ABI3BP: variants seen among roughly 807,000 people sequenced by gnomAD.
ABI3BP encodes the protein ABI family member 3 binding protein, also known as target of Nesh-SH3.
In ABI3BP, 216 loss-of-function variants were observed where a neutral mutation model predicts 268.6. The observed-to-expected ratio is 0.80, with a 90% CI of 0.72 to 0.90. ABI3BP has a LOEUF of 0.90. ABI3BP is among the 40% of genes least tolerant of loss of function. The pLI is 0.00. For synonymous variants in ABI3BP, 730 were observed against 730.0 expected (o/e 1.00, Z 0.00); for missense variants, 2,090 against 2,182.4 (o/e 0.96, Z 0.84).
intron 40 of ABI3BP, among the ~76,000 whole-genome samples, chr3:100,819,903 G>C (rs908648894): frequency 1.4e-5 from 2 of 145,328 alleles, no homozygotes; most frequent in Non-Finnish European, 3.0e-5. Flanking sequence ...AGCTGAGATC[G>C]TGCCACTGCA....
chr3:100,773,440 A>G (rs2096609854), intron 61 of ABI3BP, among the ~76,000 whole-genome samples: 2 of 152,236 alleles, frequency 1.3e-5, no homozygotes, highest in South Asian at 4.1e-4. Flanking sequence ...GGCTAAAATA[A>G]AAAAGACTGA....
intron 64 of ABI3BP, 102 bp downstream of exon 64, chr3:100,754,509 GA>G: frequency 8.8e-7 from 1 of 1,137,376 alleles, no homozygotes; most frequent in Non-Finnish European, 1.3e-6. Context: ...AGAAATTCAA[GA>G]AACAGTACAT....
chr3:100,864,637 G>A (rs2153190552), intron 11 of ABI3BP, 196 bp downstream of exon 11: 2 of 538,532 alleles, frequency 3.7e-6, no homozygotes, highest in East Asian at 6.2e-5. Context: ...CAGTCACCAG[G>A]ATCAGCCATG....
chr3:100,875,638 A>T (rs2099154572), intron 7 of ABI3BP, 59 bp from the exon 8 acceptor site: 1 of 1,226,348 alleles, frequency 8.2e-7, no homozygotes, highest in African/African-American at 1.5e-5. Flanking sequence ...GTAAGAAGCT[A>T]ATAATGTGAA....
chr3:100,939,141 C>T (rs2067670640), intron 1 of ABI3BP, among the ~76,000 whole-genome samples: 1 of 152,062 alleles, frequency 6.6e-6, no homozygotes, highest in Admixed American at 6.6e-5. Flanking sequence ...CCATCACTGT[C>T]TTCCCAACTC....
intron 59 of ABI3BP, among the ~76,000 whole-genome samples, chr3:100,777,645 G>A (rs13087616): frequency 0.15 from 22,081 of 152,170 alleles, 1,718 homozygotes; most frequent in Non-Finnish European, 0.16. Context: ...GGAGTCAGGG[G>A]AGGTTTTTAA....
intron 1 of ABI3BP, among the ~76,000 whole-genome samples, chr3:100,974,556 G>A (rs1041569392): frequency 1.3e-5 from 2 of 152,170 alleles, no homozygotes; most frequent in Non-Finnish European, 2.9e-5. Context: ...AAACTATAGG[G>A]AGAGAAATCA....
At chr3:100,798,648 C>G (rs1275315608) in intron 51 of ABI3BP, among the ~76,000 whole-genome samples, 2 of 151,946 alleles carry the variant, frequency 1.3e-5, no homozygotes, top group East Asian at 1.9e-4. Flanking sequence ...TGTGCCACTC[C>G]AAAGAAAAGC....
intron 31 of ABI3BP, among the ~76,000 whole-genome samples, chr3:100,831,382 A>C (rs1358638933): frequency 2.0e-5 from 3 of 151,820 alleles, no homozygotes; most frequent in African/African-American, 7.3e-5. Flanking sequence ...TGTGCACCAC[A>C]CATATTAACA....
At chr3:100,852,013 C>T in intron 14 of ABI3BP, 73 bp from the exon 15 acceptor site, 1 of 1,322,726 alleles carries the variant, frequency 7.6e-7, no homozygotes, top group Admixed American at 2.3e-5. Flanking sequence ...AGAAAGATTA[C>T]ATGACATGTT....
chr3:100,938,015 G>A (rs918686482), intron 1 of ABI3BP, among the ~76,000 whole-genome samples: 5 of 151,958 alleles, frequency 3.3e-5, no homozygotes. Context: ...TGGAGCTGGA[G>A]GCCATTATCC....
In ABI3BP at chr3:100,810,471, G is replaced by A. The variant is rs2097835309; in HGVS notation, c.3548C>T (p.Ser1183Leu). Residue 1183 changes from serine to leucine, a missense_variant, in exon 49 of 68, where the codon TCG becomes TTG. Coordinates refer to ENST00000471714, the MANE Select transcript of ABI3BP (RefSeq NM_001375547.2). ...GGTTATAGATTGAGAAGGCAGAGGCGACGTTTCTATGGTAATTGAAGGAAA... is the reference window on the plus strand; with the variant it reads ...GGTTATAGATTGAGAAGGCAGAGGCAACGTTTCTATGGTAATTGAAGGAAA... ...SEPPETTLET[S>L]PLPSQSITLP... The A allele has an allele frequency of 3.3e-6, 5 of 1,534,720 alleles. No homozygotes were observed. The highest frequency in any genetic ancestry group is 4.4e-6 in the Non-Finnish European group (5 of 1,145,914).
chr3:100,894,938 C>CAAAA lies in ABI3BP; in HGVS notation c.461+3820_461+3823dup, dbSNP rs58342344. Among the ~76,000 whole-genome samples, 72 of 37,708 alleles carry CAAAA rather than the reference C, an allele frequency of 1.9e-3. 9 individuals carry two copies. The highest frequency in any genetic ancestry group is 9.4e-3 in the East Asian group (6 of 636). The allele number at this position is 37,708 out of a possible 152,430, so 24.7% of individuals were successfully genotyped here. A position where few individuals can be genotyped will look rare whatever the true frequency, so the allele number is the denominator to read the frequency against. ...TGGGCGACAGAGCGGGATTCCGCTT[C>CAAAA]AAAAAAAAAAAAAAAAAAAAAAAAA... On this transcript the variant is annotated intron_variant, in intron 4 of 67. Coordinates refer to ENST00000471714, the MANE Select transcript of ABI3BP (RefSeq NM_001375547.2).
At chr3:100,854,076 C>T (rs916575381) in intron 14 of ABI3BP, among the ~76,000 whole-genome samples, 10 of 151,060 alleles carry the variant, frequency 6.6e-5, no homozygotes, top group South Asian at 2.1e-4. Flanking sequence ...ATTGCCTGGG[C>T]GTGGTGGCTC....
intron 62 of ABI3BP, among the ~76,000 whole-genome samples, chr3:100,768,309 T>C (rs372909349): frequency 5.1e-4 from 78 of 152,180 alleles, no homozygotes; most frequent in African/African-American, 8.9e-4. Context: ...AGGATGATCT[T>C]GATCTCCTGA....
chr3:100,970,413 A>G (rs941857874), intron 1 of ABI3BP, among the ~76,000 whole-genome samples: 1 of 152,222 alleles, frequency 6.6e-6, no homozygotes, highest in Non-Finnish European at 1.5e-5. Context: ...AAAATATGAC[A>G]AAGTACATGA....
intron 46 of ABI3BP, among the ~76,000 whole-genome samples, chr3:100,812,002 G>A (rs1281022528): frequency 6.6e-6 from 1 of 152,156 alleles, no homozygotes; most frequent in East Asian, 1.9e-4. Context: ...AGTGTGCTAT[G>A]TGGGAAACAT....
intron 9 of ABI3BP, among the ~76,000 whole-genome samples, chr3:100,872,220 TTATTTGCATTTTAC>T (rs1193173164): frequency 1.3e-5 from 2 of 152,216 alleles, no homozygotes; most frequent in East Asian, 1.9e-4. Flanking sequence ...ATAGTTTTAA[TTATTTGCATTTTAC>T]TATTTGCATT....
chr3:100,885,572 C>A lies in ABI3BP; in HGVS notation c.660G>T (p.Gly220=). 1 of 1,557,892 alleles carries A rather than the reference C, an allele frequency of 6.4e-7. No homozygotes were observed. The highest frequency in any genetic ancestry group is 8.7e-7 in the Non-Finnish European group (1 of 1,146,812). Residue 220 remains glycine, a synonymous_variant, in exon 6 of 68, where the codon GGG becomes GGT. Coordinates refer to ENST00000471714, the MANE Select transcript of ABI3BP (RefSeq NM_001375547.2). The part of the protein sequence containing the change: ...KTVVGSKKVN[G]KIQSTYDQDH... ...CTTGGTCATAGGTACTTTGGATTTT[C>A]CCATTTACTTTTTTACCTGATGAAA...
Sources: allele counts gnomAD v4.1 joint callset (sites outside exome capture counted in the v4.1 genomes callset), GRCh38; gene constraint gnomAD v4.1.1; transcripts MANE v1.5; gene names NCBI Gene and HGNC (gene_info 2026-07-23, HGNC 2026-07-21).